NRXN3: variants seen among roughly 807,000 people sequenced by gnomAD.
The protein encoded by NRXN3 is neurexin 3.
In NRXN3, 32 loss-of-function variants were observed where a neutral mutation model predicts 137.6. The observed-to-expected ratio is 0.23, with a 90% CI of 0.18 to 0.31. The LOEUF (loss-of-function observed/expected upper bound fraction) is 0.31, where lower values mean the gene tolerates loss of function less well. Among genes scored for constraint, NRXN3 ranks in the 10% least tolerant of loss-of-function variants. The pLI, the probability that NRXN3 is intolerant of heterozygous loss-of-function variation, is 1.00. For missense variants in NRXN3, 1,574 were observed against 2,062.5 expected, an observed-to-expected ratio of 0.76 and a Z score of 4.59; for synonymous variants, 798 against 784.5, an observed-to-expected ratio of 1.02 and a Z score of -0.29.
At chr14:78,275,496 T>A (rs1279178963) in intron 2 of NRXN3, among the ~76,000 whole-genome samples, 1 of 152,180 alleles carries the variant, frequency 6.6e-6, no homozygotes, top group East Asian at 1.9e-4. Flanking sequence ...ATCCCCTTAT[T>A]AAGAAAAGCT....
intron 15 of NRXN3, among the ~76,000 whole-genome samples, chr14:79,084,403 T>C (rs2047678252): frequency 6.6e-6 from 1 of 152,064 alleles, no homozygotes; most frequent in South Asian, 2.1e-4. Context: ...TCTAAGCCAA[T>C]AATATGTTGG....
intron 10 of NRXN3, among the ~76,000 whole-genome samples, chr14:78,909,818 G>T (rs1217894645): frequency 6.6e-6 from 1 of 151,910 alleles, no homozygotes; most frequent in Non-Finnish European, 1.5e-5. Context: ...TTATCTACTT[G>T]CCCATGAAGT....
chr14:79,667,702 A>G (rs1457574253), intron 17 of NRXN3, among the ~76,000 whole-genome samples: 1 of 152,128 alleles, frequency 6.6e-6, no homozygotes, highest in Non-Finnish European at 1.5e-5. Context: ...GAAATAAAAG[A>G]AGAATCAGCC....
chr14:79,683,367 G>C (rs8006269), intron 17 of NRXN3, among the ~76,000 whole-genome samples: 20,930 of 152,122 alleles, frequency 0.14, 1,557 homozygotes, highest in South Asian at 0.22. Context: ...ACGCATGCTA[G>C]TGTAACTTTC....
At chr14:78,482,014 A>G (rs2153741037) in intron 4 of NRXN3, among the ~76,000 whole-genome samples, 1 of 152,378 alleles carries the variant, frequency 6.6e-6, no homozygotes, top group South Asian at 2.1e-4. Context: ...TCAAGGAGTC[A>G]ACTAAAAGTT....
intron 19 of NRXN3, among the ~76,000 whole-genome samples, chr14:79,790,438 G>T (rs2099141536): frequency 3.3e-5 from 5 of 151,936 alleles, no homozygotes; most frequent in African/African-American, 1.2e-4. Context: ...GAGTGGCTGG[G>T]ACTACGGGCC....
intron 4 of NRXN3, among the ~76,000 whole-genome samples, chr14:78,485,867 T>A (rs1287365644): frequency 3.3e-5 from 5 of 152,346 alleles, no homozygotes; most frequent in Admixed American, 1.3e-4. Flanking sequence ...TATGAATCAC[T>A]GAATTCAGAA....
intron 4 of NRXN3, among the ~76,000 whole-genome samples, chr14:78,580,124 G>C (rs1600785548): frequency 6.6e-6 from 1 of 152,022 alleles, no homozygotes; most frequent in Non-Finnish European, 1.5e-5. Context: ...GCTACATCTT[G>C]TATGAGTCTT....
chr14:78,776,428 G>A (rs2098745227), intron 8 of NRXN3, among the ~76,000 whole-genome samples: 1 of 152,002 alleles, frequency 6.6e-6, no homozygotes, highest in Non-Finnish European at 1.5e-5. Context: ...ATAAACCCGA[G>A]CAGATAATAG....
chr14:78,427,365 G>A (rs1056416917), intron 4 of NRXN3, among the ~76,000 whole-genome samples: 1 of 152,200 alleles, frequency 6.6e-6, no homozygotes, highest in Non-Finnish European at 1.5e-5. Flanking sequence ...GGAGGAGGGA[G>A]GTGCCTGGTT....
intron 15 of NRXN3, among the ~76,000 whole-genome samples, chr14:79,456,390 G>C (rs1264291179): frequency 1.3e-5 from 2 of 152,222 alleles, no homozygotes; most frequent in Non-Finnish European, 2.9e-5. Context: ...ACCCAAATTT[G>C]AACTAGCTTA....
At chr14:78,594,103 G>A (rs1236427854) in intron 4 of NRXN3, among the ~76,000 whole-genome samples, 1 of 152,232 alleles carries the variant, frequency 6.6e-6, no homozygotes, top group African/African-American at 2.4e-5. Context: ...AGTGACATGA[G>A]GCAATGTCTG....
intron 16 of NRXN3, among the ~76,000 whole-genome samples, chr14:79,482,531 C>A (rs550974690): frequency 9.8e-5 from 15 of 152,300 alleles, no homozygotes; most frequent in Non-Finnish European, 2.1e-4. Context: ...AAAATAGCAT[C>A]TTCACCCTCG....
intron 8 of NRXN3, among the ~76,000 whole-genome samples, chr14:78,761,707 A>G (rs954492951): frequency 3.9e-5 from 6 of 152,176 alleles, no homozygotes; most frequent in African/African-American, 1.4e-4. Context: ...GGCTTGTGGT[A>G]GAGTACACAT....
chr14:79,815,286 C>T (rs759247070), intron 20 of NRXN3, among the ~76,000 whole-genome samples: 6 of 151,830 alleles, frequency 4.0e-5, no homozygotes, highest in Non-Finnish European at 7.4e-5. Flanking sequence ...GGGTTGAGCA[C>T]GAGAATATCA....
intron 8 of NRXN3, among the ~76,000 whole-genome samples, chr14:78,765,244 C>G (rs1464672848): frequency 6.6e-6 from 1 of 152,140 alleles, no homozygotes; most frequent in African/African-American, 2.4e-5. Flanking sequence ...ACCTCCACCT[C>G]CTGGGTTCAA....
At chr14:78,511,921 G>A (rs1210867751) in intron 4 of NRXN3, among the ~76,000 whole-genome samples, 1 of 152,154 alleles carries the variant, frequency 6.6e-6, no homozygotes, top group Non-Finnish European at 1.5e-5. Flanking sequence ...TTAAGTCCAA[G>A]CTCTACCACT....
At chr14:79,769,156 C>A (rs1328353195) in intron 19 of NRXN3, among the ~76,000 whole-genome samples, 1 of 148,622 alleles carries the variant, frequency 6.7e-6, no homozygotes, top group Non-Finnish European at 1.5e-5. Flanking sequence ...ATTGGTGTAC[C>A]TGAAAGTGAC....
intron 16 of NRXN3, among the ~76,000 whole-genome samples, chr14:79,512,811 T>C (rs2153691932): frequency 6.6e-6 from 1 of 152,330 alleles, no homozygotes; most frequent in South Asian, 2.1e-4. Flanking sequence ...TCTTCTAGAA[T>C]GAAAGCTCCC....
Sources: allele counts gnomAD v4.1 joint callset (sites outside exome capture counted in the v4.1 genomes callset), GRCh38; gene constraint gnomAD v4.1.1; transcripts MANE v1.5; gene names NCBI Gene and HGNC (gene_info 2026-07-23, HGNC 2026-07-21).